TLR4: variants seen among roughly 807,000 people sequenced by gnomAD.
TLR4 encodes the protein toll like receptor 4, also known as toll-like receptor 4.
TLR4 carries 17 observed loss-of-function variants against 27.4 expected under a neutral mutation model. The ratio of observed to expected loss-of-function variants is 0.62; its 90% CI spans 0.42 to 0.93. The LOEUF (loss-of-function observed/expected upper bound fraction) is 0.93. Among genes scored for constraint, TLR4 ranks in the 40% least tolerant of loss-of-function variants. The pLI, the probability that TLR4 is intolerant of heterozygous loss-of-function variation, is 0.00. For missense variants in TLR4, 926 were observed against 962.3 expected (o/e 0.96, Z 0.50); for synonymous variants, 363 against 365.7 (o/e 0.99, Z 0.08).
At position 117,711,840 on chromosome 9, in the gene TLR4, TAAC is replaced by T. The variant is rs779246232; in HGVS notation, c.261-546_261-544del. ...ACCTGTTACAAGCATTTACCTCTGA[TAAC>T]AAGAACTTTCAAATATCTAGCTGTC... On this transcript the variant is annotated intron_variant, in intron 2 of 2. Transcript: ENST00000355622. 2.6e-5 allele frequency among the ~76,000 whole-genome samples: 4 copies of T among 152,214 alleles called. No homozygotes were observed. The East Asian group carries it at 5.8e-4, about 22-fold the overall frequency.
rs573635976 is a variant in TLR4 at position 117,705,729 on chromosome 9, C to T, written c.93+1164C>T. Among the ~76,000 whole-genome samples, 47 of 152,174 alleles carry T rather than the reference C, an allele frequency of 3.1e-4. No homozygotes were observed. The South Asian group carries it at 3.7e-3, about 12-fold the overall frequency. On this transcript the variant is annotated intron_variant, in intron 1 of 2. Coordinates refer to ENST00000355622, the MANE Select transcript of TLR4 (RefSeq NM_138554.5). ...TCTTCTTCCTTTAATTCATTCTGCACGTTCTTGTTTGTTATGTACTTGCAT... is the reference window on the plus strand; with the variant it reads ...TCTTCTTCCTTTAATTCATTCTGCATGTTCTTGTTTGTTATGTACTTGCAT...
rs747101109 is a variant in TLR4 at position 117,713,023 on chromosome 9, G to T, written c.895G>T (p.Asp299Tyr). ...RLAYLDYYLDDIIDLFNCLTN... is the reference protein window; with the variant it reads ...RLAYLDYYLDYIIDLFNCLTN... ...AGCATACTTAGACTACTACCTCGAT[G>T]ATATTATTGACTTATTTAATTGTTT... Residue 299 changes from aspartate to tyrosine, a missense_variant, in exon 3 of 3, where the codon GAT (aspartate) becomes TAT (tyrosine). Physicochemically the swap from Asp to Tyr is radical, Grantham distance 160. Transcript: ENST00000355622. 4 of 1,614,064 alleles carry T rather than the reference G, an allele frequency of 2.5e-6. No homozygotes were observed. In the South Asian group the frequency reaches 3.3e-5, roughly 13 times the overall value.
rs1010436884 is a variant in TLR4, at chr9:117,721,104, T to C, written c.*6456T>C. On this transcript the variant is annotated 3_prime_UTR_variant, in exon 3 of 3. Coordinates refer to ENST00000355622, the MANE Select transcript of TLR4 (RefSeq NM_138554.5). The stretch of plus-strand genomic sequence containing the variant: ...AAAATTTTATTTTAATTTTTATAGA[T>C]TTAGAGAGTGCAAATGCAGTTTTGT... 1.4e-4 allele frequency: 21 copies of C among 152,322 alleles called. No individual in the cohort carries two copies. Among genetic ancestry groups the C allele is most frequent in the African/African-American group, 5.1e-4 (21 of 41,578 alleles). 9.4% of individuals were successfully genotyped at this position (152,322 alleles called of 1,614,324 possible). A position where few individuals can be genotyped will look rare whatever the true frequency, so the allele number is the denominator to read the frequency against.
At chr9:117,712,187 C>A (rs1466984960) in intron 2 of TLR4, among the ~76,000 whole-genome samples, 1 of 152,120 alleles carries the variant, frequency 6.6e-6, no homozygotes, top group Non-Finnish European at 1.5e-5. Context: ...CCTATCATTG[C>A]AGCCAGTATG....
In TLR4 at chr9:117,719,345, C is replaced by T. The variant is rs1037708885; in HGVS notation, c.*4697C>T. 2.0e-5 allele frequency: 3 copies of T among 152,130 alleles called. No individual in the cohort carries two copies. Among genetic ancestry groups the T allele is most frequent in the Non-Finnish European group, 4.4e-5 (3 of 68,024 alleles). The allele number at this position is 152,130 out of a possible 1,614,324, so 9.4% of individuals were successfully genotyped here. Reference sequence around the variant, plus strand: ...TCATTCTGTCATGTGTCCACTGTCACCTGCTCATTGGTGGCAGCACTGAGA... The same window carrying T: ...TCATTCTGTCATGTGTCCACTGTCATCTGCTCATTGGTGGCAGCACTGAGA... On this transcript the variant is annotated 3_prime_UTR_variant, in exon 3 of 3. Coordinates refer to ENST00000355622, the MANE Select transcript of TLR4 (RefSeq NM_138554.5).
rs1221327593 is a variant in TLR4 at position 117,717,898 on chromosome 9, CAGA to C, written c.*3253_*3255del. 1 of 152,040 alleles carries C rather than the reference CAGA, an allele frequency of 6.6e-6. No individual in the cohort carries two copies. The highest frequency in any genetic ancestry group is 1.9e-4 in the East Asian group (1 of 5,190). 9.4% of individuals were successfully genotyped at this position (152,040 alleles called of 1,614,324 possible). ...AGGGAAAGAAATTATATGCATAGAACAGAAGGAGAAGAAAGAGTAAAGTCAGGC... is the reference window on the plus strand; with the variant it reads ...AGGGAAAGAAATTATATGCATAGAACAGGAGAAGAAAGAGTAAAGTCAGGC... On this transcript the variant is annotated 3_prime_UTR_variant, in exon 3 of 3. Coordinates refer to ENST00000355622, the MANE Select transcript of TLR4 (RefSeq NM_138554.5).
chr9:117,708,609 A>T lies in TLR4; in HGVS notation c.140A>T (p.Lys47Ile). The T allele has an allele frequency of 6.2e-7, 1 of 1,613,936 alleles. No individual in the cohort carries two copies. The highest frequency in any genetic ancestry group is 8.5e-7 in the Non-Finnish European group (1 of 1,179,852). The change falls in exon 2 of 3, where the codon AAA becomes ATA. Residue 47 changes from lysine (K) to isoleucine (I), a missense_variant. Transcript: ENST00000355622. ...TYQCMELNFY[K>I]IPDNLPFSTK... Reference sequence around the variant, plus strand: ...CAATGCATGGAGCTGAATTTCTACAAAATCCCCGACAACCTCCCCTTCTCA... The same window carrying T: ...CAATGCATGGAGCTGAATTTCTACATAATCCCCGACAACCTCCCCTTCTCA...
chr9:117,704,655 A>C, intron 1 of TLR4, 90 bp downstream of exon 1: 4 of 1,085,460 alleles, frequency 3.7e-6, no homozygotes, highest in Non-Finnish European at 5.5e-6. Flanking sequence ...TTTTTGCAAA[A>C]AAAAAAAAGA....
chr9:117,714,085 A>G lies in TLR4; in HGVS notation c.1957A>G (p.Lys653Glu), dbSNP rs1323780066. The G allele has an allele frequency of 6.2e-7, 1 of 1,614,012 alleles. No homozygotes were observed. The highest frequency in any genetic ancestry group is 1.1e-5 in the South Asian group (1 of 91,082). Reference protein sequence around the residue: ...VVSVVAVLVYKFYFHLMLLAG... With the variant: ...VVSVVAVLVYEFYFHLMLLAG... ...ATCTGTTGTAGCAGTTCTGGTCTAT[A>G]AGTTCTATTTTCACCTGATGCTTCT... is the stretch of plus-strand genomic sequence containing the variant. Residue 653 changes from lysine to glutamate, a missense_variant, in exon 3 of 3, where the codon AAG (lysine) becomes GAG (glutamate). By Grantham distance (56) the Lys-to-Glu change is moderately conservative. Transcript: ENST00000355622.
chr9:117,722,319 C>T lies in TLR4; in HGVS notation c.*7671C>T, dbSNP rs1829431834. 1.3e-5 allele frequency: 2 copies of T among 152,090 alleles called. No individual in the cohort carries two copies. Among genetic ancestry groups the T allele is most frequent in the East Asian group, 1.9e-4 (1 of 5,188 alleles). 9.4% of individuals were successfully genotyped at this position (152,090 alleles called of 1,614,324 possible). A position where few individuals can be genotyped will look rare whatever the true frequency, so the allele number is the denominator to read the frequency against. On this transcript the variant is annotated 3_prime_UTR_variant, in exon 3 of 3. Coordinates refer to ENST00000355622, the MANE Select transcript of TLR4 (RefSeq NM_138554.5). ...TTCCCAGAAACTCCTTTTTCCTTAT[C>T]GTTGAGGGGAATTGGGGAAGTGATC...
chr9:117,720,261 T>C lies in TLR4; in HGVS notation c.*5613T>C, dbSNP rs2131179951. On this transcript the variant is annotated 3_prime_UTR_variant, in exon 3 of 3. Transcript: ENST00000355622. ...GGCTGCATTCTTTCCATAACATAATTGCTTGCTGTGATGTCCTGGGCTACT... is the reference window on the plus strand; with the variant it reads ...GGCTGCATTCTTTCCATAACATAATCGCTTGCTGTGATGTCCTGGGCTACT... The C allele has an allele frequency of 6.6e-6, 1 of 152,242 alleles. No individual in the cohort carries two copies. Among genetic ancestry groups the C allele is most frequent in the African/African-American group, 2.4e-5 (1 of 41,544 alleles). 9.4% of individuals were successfully genotyped at this position (152,242 alleles called of 1,614,324 possible).
chr9:117,715,200 A>C lies in TLR4; in HGVS notation c.*552A>C. The C allele has an allele frequency of 1.3e-5, 2 of 159,212 alleles. No individual in the cohort carries two copies. Among genetic ancestry groups the C allele is most frequent in the Admixed American group, 5.9e-5 (1 of 16,914 alleles). The allele number at this position is 159,212 out of a possible 1,614,324, so 9.9% of individuals were successfully genotyped here. ...GCTAATTCCTAAGGAAACCTGATTA[A>C]CACATGCTCACAACCATCCTGGTCA... On this transcript the variant is annotated 3_prime_UTR_variant, in exon 3 of 3. Coordinates refer to ENST00000355622, the MANE Select transcript of TLR4 (RefSeq NM_138554.5).
At position 117,708,717 on chromosome 9, in the gene TLR4, T is replaced by C. The variant is rs1829180041; in HGVS notation, c.248T>C (p.Leu83Pro). Residue 83 changes from leucine (L) to proline (P), a missense_variant, in exon 2 of 3, where the codon CTG (leucine) becomes CCG (proline). Leu to Pro is a moderately conservative substitution (Grantham distance 98). Coordinates refer to ENST00000355622, the MANE Select transcript of TLR4 (RefSeq NM_138554.5). The part of the protein sequence containing the change: ...SFFSFPELQV[L>P]DLSRCEIQTI... ...TTCAGTTTCCCAGAACTGCAGGTGC[T>C]GGATTTATCCAGGTAATGAATCCAC... is the stretch of plus-strand genomic sequence containing the variant. The C allele has an allele frequency of 6.2e-7, 1 of 1,613,738 alleles. No individual in the cohort carries two copies. The highest frequency in any genetic ancestry group is 1.1e-5 in the South Asian group (1 of 91,086).
intron 1 of TLR4, among the ~76,000 whole-genome samples, chr9:117,704,977 A>G (rs1829112755): frequency 6.6e-6 from 1 of 152,148 alleles, no homozygotes; most frequent in Admixed American, 6.5e-5. Context: ...TCAAGCAGTC[A>G]CCCTGCTCCT....
At chr9:117,712,311 A>T (rs528979093) in intron 2 of TLR4, 78 bp from the exon 3 acceptor site, 2 of 1,375,960 alleles carry the variant, frequency 1.5e-6, no homozygotes, top group African/African-American at 2.9e-5. Flanking sequence ...GAAGAGCTGG[A>T]TGACTAGGAT....
At position 117,712,446 on chromosome 9, in the gene TLR4, C is replaced by T. The variant is rs1347541650; in HGVS notation, c.318C>T (p.Thr106=). The T allele has an allele frequency of 6.2e-7, 1 of 1,613,798 alleles. No individual in the cohort carries two copies. The highest frequency in any genetic ancestry group is 2.2e-5 in the East Asian group (1 of 44,872). The change falls in exon 3 of 3, where the codon ACC becomes ACT. Residue 106 remains threonine (T), a synonymous_variant. Transcript: ENST00000355622. ...ATCAGAGCCTAAGCCACCTCTCTAC[C>T]TTAATATTGACAGGAAACCCCATCC... ...GAYQSLSHLS[T]LILTGNPIQS...
chr9:117,708,412 A>G, intron 1 of TLR4, 151 bp from the exon 2 acceptor site: 1 of 1,522,802 alleles, frequency 6.6e-7, no homozygotes, highest in East Asian at 2.4e-5. Flanking sequence ...ATGGATGGAT[A>G]TATGGATGGA....
At chr9:117,709,107 A>AG (rs747639983) in intron 2 of TLR4, 8 of 220,954 alleles carry the variant, frequency 3.6e-5, no homozygotes, top group Non-Finnish European at 6.4e-5. Context: ...CCTGTTGTTA[A>AG]GGAGGCATAT....
rs1215273609 is a variant in TLR4 at position 117,721,917 on chromosome 9, C to T, written c.*7269C>T. On this transcript the variant is annotated 3_prime_UTR_variant, in exon 3 of 3. Coordinates refer to ENST00000355622, the MANE Select transcript of TLR4 (RefSeq NM_138554.5). ...TTCTTCTCAATCCCACTAGATCAGA[C>T]TCTTTGGGATACTAGGATTGGCCTA... 1 of 152,178 alleles carries T rather than the reference C, an allele frequency of 6.6e-6. No individual in the cohort carries two copies. The highest frequency in any genetic ancestry group is 2.4e-5 in the African/African-American group (1 of 41,446). The allele number at this position is 152,178 out of a possible 1,614,324, so 9.4% of individuals were successfully genotyped here. A position where few individuals can be genotyped will look rare whatever the true frequency, so the allele number is the denominator to read the frequency against.
Sources: gnomAD v4.1 joint callset for allele counts (sites outside exome capture counted in the v4.1 genomes callset) on GRCh38, gnomAD v4.1.1 for gene constraint, MANE v1.5 for transcripts, NCBI Gene and HGNC (gene_info 2026-07-23, HGNC 2026-07-21) for gene names.